Variants in IL1RAPL1 observed in about 807,000 individuals in gnomAD.
IL1RAPL1 encodes interleukin-1 receptor accessory protein-like 1.
IL1RAPL1 carries 3 observed loss-of-function variants against 48.4 expected under a neutral mutation model. The ratio of observed to expected loss-of-function variants is 0.06; its 90% confidence interval spans 0.03 to 0.16. IL1RAPL1 has a LOEUF of 0.16. Ranked by LOEUF, IL1RAPL1 falls within the 10% of genes least tolerant of loss-of-function variation. The pLI is 1.00. For synonymous variants in IL1RAPL1, 185 were observed against 187.7 expected (o/e 0.99, Z 0.12); for missense variants, 349 against 530.6 (o/e 0.66, Z 3.36).
intron 2 of IL1RAPL1, among the ~76,000 whole-genome samples, chrX:29,034,343 C>G (rs1207588124): frequency 8.9e-6 from 1 of 112,146 alleles, no homozygotes; most frequent in Non-Finnish European, 1.9e-5. Context: ...ATCATCTTTA[C>G]ATGACTGCTT....
At chrX:28,908,642 T>C (rs1273164638) in intron 2 of IL1RAPL1, among the ~76,000 whole-genome samples, 1 of 111,553 alleles carries the variant, frequency 9.0e-6, no homozygotes, top group Non-Finnish European at 1.9e-5. Flanking sequence ...CCATGTGAGC[T>C]TGAGAAGAAT....
chrX:29,372,393 A>G (rs1014076540), intron 3 of IL1RAPL1, among the ~76,000 whole-genome samples: 1 of 111,590 alleles, frequency 9.0e-6, no homozygotes, highest in Non-Finnish European at 1.9e-5. Context: ...TTGATAGTTT[A>G]TGTTGCTGTG....
At chrX:29,631,810 T>A (rs1356808037) in intron 5 of IL1RAPL1, among the ~76,000 whole-genome samples, 1 of 110,461 alleles carries the variant, frequency 9.1e-6, no homozygotes, top group Non-Finnish European at 1.9e-5. Context: ...ATAATAATAA[T>A]AAAATAGTTC....
At chrX:29,315,401 A>G (rs1932765582) in intron 3 of IL1RAPL1, among the ~76,000 whole-genome samples, 1 of 111,737 alleles carries the variant, frequency 8.9e-6, no homozygotes, top group Non-Finnish European at 1.9e-5. Flanking sequence ...AAATATTTTT[A>G]TACACCAGAA....
At chrX:29,064,582 G>A (rs1927411654) in intron 2 of IL1RAPL1, among the ~76,000 whole-genome samples, 1 of 101,558 alleles carries the variant, frequency 9.8e-6, no homozygotes, top group South Asian at 4.3e-4. Context: ...TTTTGTTTTT[G>A]TTTTGTTTTG....
intron 3 of IL1RAPL1, among the ~76,000 whole-genome samples, chrX:29,368,040 A>G (rs1933490498): frequency 1.8e-5 from 2 of 111,150 alleles, no homozygotes; most frequent in East Asian, 2.8e-4. Context: ...GGGTTCTGCA[A>G]TTGCAGATTC....
Position 29,183,775 on chromosome X carries a change from C to T in IL1RAPL1, c.83-99163C>T, listed in dbSNP as rs768161967. Reference sequence around the variant, plus strand: ...ATGGCACGATCTCAGCTCACTGCAACTTCTGCCTCCCGGGTTCAAGCGATT... The same window carrying T: ...ATGGCACGATCTCAGCTCACTGCAATTTCTGCCTCCCGGGTTCAAGCGATT... On this transcript the variant is annotated intron_variant, in intron 2 of 10. Transcript: ENST00000378993. Among the ~76,000 whole-genome samples, 92 of 112,464 alleles carry T rather than the reference C, an allele frequency of 8.2e-4. 1 individual carries two copies. The highest frequency in any genetic ancestry group is 2.9e-3 in the African/African-American group (91 of 30,970).
intron 5 of IL1RAPL1, among the ~76,000 whole-genome samples, chrX:29,646,229 C>G (rs1406657985): frequency 1.8e-5 from 2 of 111,124 alleles, no homozygotes; most frequent in Non-Finnish European, 3.8e-5. Flanking sequence ...GTGACCAGTA[C>G]AATAAATTTA....
intron 5 of IL1RAPL1, among the ~76,000 whole-genome samples, chrX:29,505,145 T>C (rs1232700425): frequency 8.9e-6 from 1 of 112,037 alleles, no homozygotes; most frequent in Non-Finnish European, 1.9e-5. Context: ...ACATTTTAGC[T>C]ACATCCCCCC....
chrX:29,634,201 G>A (rs1428202867), intron 5 of IL1RAPL1, among the ~76,000 whole-genome samples: 2 of 111,784 alleles, frequency 1.8e-5, no homozygotes, highest in Non-Finnish European at 3.8e-5. Flanking sequence ...CTGGAGATAC[G>A]AGGTACTTCT....
chrX:29,423,061 CT>C (rs1338061713), intron 5 of IL1RAPL1, among the ~76,000 whole-genome samples: 1 of 111,699 alleles, frequency 9.0e-6, no homozygotes, highest in African/African-American at 3.3e-5. Context: ...AACTGATTCC[CT>C]CTAAAGCCTG....
intron 2 of IL1RAPL1, among the ~76,000 whole-genome samples, chrX:29,036,118 A>G (rs1053091135): frequency 8.9e-6 from 1 of 112,034 alleles, no homozygotes; most frequent in Admixed American, 9.5e-5. Flanking sequence ...ACACTTCTTC[A>G]TTGGCATCTA....
chrX:28,934,981 T>C (rs1261371282), intron 2 of IL1RAPL1, among the ~76,000 whole-genome samples: 1 of 111,778 alleles, frequency 8.9e-6, no homozygotes, highest in Non-Finnish European at 1.9e-5. Flanking sequence ...CATTATCTAA[T>C]GTATGATGGT....
At chrX:29,611,442 C>T (rs1924091730) in intron 5 of IL1RAPL1, among the ~76,000 whole-genome samples, 1 of 111,544 alleles carries the variant, frequency 9.0e-6, no homozygotes, top group Admixed American at 9.5e-5. Context: ...GTTGTGCCAC[C>T]TTTCTGTACC....
intron 5 of IL1RAPL1, among the ~76,000 whole-genome samples, chrX:29,597,783 C>T (rs746911760): frequency 1.3e-4 from 15 of 111,570 alleles, no homozygotes; most frequent in East Asian, 8.5e-4. Flanking sequence ...AGAATTTATC[C>T]GTCTCATCTA....
At chrX:29,087,032 C>T (rs1171166106) in intron 2 of IL1RAPL1, among the ~76,000 whole-genome samples, 8 of 111,341 alleles carry the variant, frequency 7.2e-5, no homozygotes, top group Non-Finnish European at 1.3e-4. Flanking sequence ...AATAGTTAAC[C>T]TCTGAATCTG....
At chrX:29,593,208 C>T (rs1923438622) in intron 5 of IL1RAPL1, among the ~76,000 whole-genome samples, 1 of 111,352 alleles carries the variant, frequency 9.0e-6, no homozygotes, top group African/African-American at 3.3e-5. Context: ...CCCTCCTCCT[C>T]CACTTTATCC....
chrX:28,722,717 T>G (rs1044559260), intron 1 of IL1RAPL1, among the ~76,000 whole-genome samples: 3 of 111,822 alleles, frequency 2.7e-5, no homozygotes, highest in African/African-American at 9.8e-5. Context: ...AGTATGATAT[T>G]GGCTGTGGGT....
At chrX:29,232,172 T>C (rs913087048) in intron 2 of IL1RAPL1, among the ~76,000 whole-genome samples, 2 of 111,955 alleles carry the variant, frequency 1.8e-5, no homozygotes, top group Non-Finnish European at 3.8e-5. Context: ...ATTTTGTTTT[T>C]GTTCTTTTTG....
Sources: gnomAD v4.1 joint callset for allele counts (sites outside exome capture counted in the v4.1 genomes callset) on GRCh38, gnomAD v4.1.1 for gene constraint, MANE v1.5 for transcripts, NCBI Gene and HGNC (gene_info 2026-07-23, HGNC 2026-07-21) for gene names.